The following POLR3F variants were observed in gnomAD, a reference collection of about 807,000 sequenced individuals.
POLR3F encodes the protein RNA polymerase III subunit F.
In POLR3F, 31 loss-of-function variants were observed where a neutral mutation model predicts 43.6. The ratio of observed to expected loss-of-function variants is 0.71; its 90% CI spans 0.53 to 0.96. The LOEUF is 0.96. POLR3F is among the 40% of genes least tolerant of loss of function. The pLI, the probability that POLR3F is intolerant of heterozygous loss-of-function variation, is 0.00. For synonymous variants in POLR3F, 114 were observed against 132.5 expected (o/e 0.86, Z 0.96); for missense variants, 316 against 391.7 (o/e 0.81, Z 1.63).
At chr20:18,476,040 G>T (rs2059778169) in intron 5 of POLR3F, among the ~76,000 whole-genome samples, 1 of 152,136 alleles carries the variant, frequency 6.6e-6, no homozygotes, top group African/African-American at 2.4e-5. Flanking sequence ...CATTTTGTCA[G>T]TCCTCCTTCT....
chr20:18,468,299 TCTC>T (rs1220740954), intron 1 of POLR3F, among the ~76,000 whole-genome samples: 1 of 152,112 alleles, frequency 6.6e-6, no homozygotes, highest in African/African-American at 2.4e-5. Context: ...ATGGTCTCGA[TCTC>T]CTGACCTCGT....
chr20:18,471,799 A>G (rs1402486333), intron 2 of POLR3F, among the ~76,000 whole-genome samples: 4 of 152,338 alleles, frequency 2.6e-5, no homozygotes, highest in African/African-American at 9.6e-5. Flanking sequence ...CCTGGCCAAC[A>G]TGGCCTAACC....
At chr20:18,468,813 A>G in intron 1 of POLR3F, 131 bp from the exon 2 acceptor site, 1 of 626,018 alleles carries the variant, frequency 1.6e-6, no homozygotes, top group Non-Finnish European at 2.9e-6. Context: ...ATCCAAAACC[A>G]TCACAGAAAC....
intron 5 of POLR3F, among the ~76,000 whole-genome samples, chr20:18,475,453 G>A (rs2059775000): frequency 6.6e-6 from 1 of 152,214 alleles, no homozygotes; most frequent in African/African-American, 2.4e-5. Flanking sequence ...TTTGTGGTGT[G>A]TAAGATAATT....
At chr20:18,472,526 G>A (rs2059759135) in intron 2 of POLR3F, among the ~76,000 whole-genome samples, 1 of 151,732 alleles carries the variant, frequency 6.6e-6, no homozygotes, top group African/African-American at 2.4e-5. Context: ...AACAGAATAT[G>A]CCTATTTAGT....
At chr20:18,472,492 T>C (rs570757780) in intron 2 of POLR3F, among the ~76,000 whole-genome samples, 1 of 152,142 alleles carries the variant, frequency 6.6e-6, no homozygotes, top group Non-Finnish European at 1.5e-5. Flanking sequence ...CCATTAACTT[T>C]ATAAATTTTA....
chr20:18,467,552 G>T lies in POLR3F; in HGVS notation c.46G>T (p.Val16Phe). Residue 16 changes from valine to phenylalanine, a missense_variant, in exon 1 of 9, where the codon GTC (valine) becomes TTC (phenylalanine). By Grantham distance (50) the Val-to-Phe change is conservative (BLOSUM62 -1). Around this residue, in one of 3 missense-constraint regions of POLR3F, gnomAD observed 122 missense variants for 133.8 expected, o/e 0.91. Coordinates refer to ENST00000377603, the MANE Select transcript of POLR3F (RefSeq NM_006466.4). Reference protein sequence around the residue: ...VKVQPPDADPVEIENRIIELC... With the variant: ...VKVQPPDADPFEIENRIIELC... The stretch of plus-strand genomic sequence containing the variant: ...GGTGCAGCCGCCTGACGCGGATCCG[G>T]TCGAAATAGAAAACAGGTAAACCAG... 1 of 1,614,270 alleles carries T rather than the reference G, an allele frequency of 6.2e-7. No homozygotes were observed. The highest frequency in any genetic ancestry group is 2.2e-5 in the East Asian group (1 of 44,876).
Position 18,483,787 on chromosome 20 carries a change from A to G in POLR3F, c.*229A>G. 1 of 405,226 alleles carries G rather than the reference A, an allele frequency of 2.5e-6. No individual in the cohort carries two copies. The highest frequency in any genetic ancestry group is 4.3e-6 in the Non-Finnish European group (1 of 231,714). The allele number at this position is 405,226 out of a possible 1,614,324, so 25.1% of individuals were successfully genotyped here. A position where few individuals can be genotyped will look rare whatever the true frequency, so the allele number is the denominator to read the frequency against. On this transcript the variant is annotated 3_prime_UTR_variant, in exon 9 of 9. Transcript: ENST00000377603. ...AGGTTAGTAGTGAAATTCATTCTTC[A>G]ATAAATAAAACACTTTGAAACTCCG...
intron 1 of POLR3F, among the ~76,000 whole-genome samples, chr20:18,468,266 G>A (rs1004036747): frequency 1.1e-4 from 16 of 152,046 alleles, no homozygotes; most frequent in African/African-American, 3.9e-4. Flanking sequence ...TAGTAGAGAC[G>A]GGGTTTCACC....
At chr20:18,472,694 A>C (rs1278867106) in intron 2 of POLR3F, 148 bp from the exon 3 acceptor site, 1 of 511,104 alleles carries the variant, frequency 2.0e-6, no homozygotes, top group Non-Finnish European at 3.5e-6. Flanking sequence ...AGCCTACAGG[A>C]AATTGTTAGT....
intron 5 of POLR3F, among the ~76,000 whole-genome samples, chr20:18,477,541 A>C (rs887363200): frequency 2.0e-5 from 3 of 152,246 alleles, no homozygotes; most frequent in African/African-American, 7.2e-5. Context: ...ATAATCAAAA[A>C]CTGGAAGCAA....
At chr20:18,470,565 T>C (rs536150870) in intron 2 of POLR3F, 1 of 154,954 alleles carries the variant, frequency 6.5e-6, no homozygotes, top group African/African-American at 2.4e-5. Context: ...ATGTTGCTGA[T>C]TTCTAGTTAT....
chr20:18,481,365 C>T (rs2059808427), intron 7 of POLR3F, among the ~76,000 whole-genome samples: 1 of 151,640 alleles, frequency 6.6e-6, no homozygotes, highest in Admixed American at 6.6e-5. Flanking sequence ...CCTCAGCCTC[C>T]CGAGTAGGTG....
intron 2 of POLR3F, among the ~76,000 whole-genome samples, chr20:18,471,127 C>T (rs1362583974): frequency 2.0e-5 from 3 of 152,178 alleles, no homozygotes; most frequent in African/African-American, 7.2e-5. Context: ...GTTCAAACTC[C>T]TGGGTTTCCC....
intron 6 of POLR3F, 31 bp downstream of exon 6, chr20:18,480,212 AACC>A: frequency 6.4e-7 from 1 of 1,574,698 alleles, no homozygotes; most frequent in Non-Finnish European, 8.7e-7. Flanking sequence ...CATCACTGCA[AACC>A]CTCTTGTAAA....
intron 1 of POLR3F, chr20:18,467,820 T>A: frequency 1.5e-6 from 1 of 661,892 alleles, no homozygotes; most frequent in East Asian, 3.0e-5. Context: ...TTTGGGGAAG[T>A]TGTGATGACG....
At chr20:18,468,623 G>C (rs1481460556) in intron 1 of POLR3F, among the ~76,000 whole-genome samples, 1 of 151,758 alleles carries the variant, frequency 6.6e-6, no homozygotes, top group African/African-American at 2.4e-5. Flanking sequence ...GCTTAACTTT[G>C]TCATGCTTAT....
At chr20:18,474,657 T>C (rs1211326490) in intron 4 of POLR3F, among the ~76,000 whole-genome samples, 1 of 152,074 alleles carries the variant, frequency 6.6e-6, no homozygotes, top group East Asian at 1.9e-4. Flanking sequence ...TAGCTAGGAC[T>C]ACAGGTGCAT....
intron 5 of POLR3F, among the ~76,000 whole-genome samples, chr20:18,479,234 G>A (rs1343553438): frequency 6.6e-6 from 1 of 152,178 alleles, no homozygotes; most frequent in Non-Finnish European, 1.5e-5. Flanking sequence ...GGGGGCTCAT[G>A]CCTGTAATCC....
Sources: gnomAD v4.1 joint callset for allele counts (sites outside exome capture counted in the v4.1 genomes callset) on GRCh38, gnomAD v4.1.1 for gene constraint, gnomAD v4.1.1 regional missense constraint, MANE v1.5 for transcripts, NCBI Gene and HGNC (gene_info 2026-07-23, HGNC 2026-07-21) for gene names.